The following SLC20A2 variants were observed in gnomAD, a reference collection of about 807,000 sequenced individuals.
SLC20A2 encodes the protein solute carrier family 20 member 2, also known as sodium-dependent phosphate transporter 2.
SLC20A2 carries 30 observed loss-of-function variants against 61.0 expected under a neutral mutation model. The observed-to-expected ratio is 0.49, with a 90% CI of 0.37 to 0.67. The LOEUF is 0.67. Ranked by LOEUF, SLC20A2 falls within the 30% of genes least tolerant of loss-of-function variation. The pLI is 0.00. For synonymous variants in SLC20A2, 351 were observed against 353.3 expected, an observed-to-expected ratio of 0.99 and a Z score of 0.07; for missense variants, 626 against 866.4, an observed-to-expected ratio of 0.72 and a Z score of 3.48.
chr8:42,524,271 T>G (rs1811778876), intron 1 of SLC20A2, among the ~76,000 whole-genome samples: 1 of 152,186 alleles, frequency 6.6e-6, no homozygotes, highest in African/African-American at 2.4e-5. Context: ...TGAAAAAAGT[T>G]TTTTCCTTTT....
intron 3 of SLC20A2, among the ~76,000 whole-genome samples, chr8:42,464,125 A>C (rs1806954375): frequency 2.9e-4 from 1 of 3,454 alleles, no homozygotes; most frequent in Admixed American, 5.2e-3. Context: ...TTTTTTTTTG[A>C]GACAGGGTCT....
At chr8:42,526,439 C>G (rs1364468785) in intron 1 of SLC20A2, among the ~76,000 whole-genome samples, 1 of 151,616 alleles carries the variant, frequency 6.6e-6, no homozygotes, top group Non-Finnish European at 1.5e-5. Flanking sequence ...TTTGGGAGGC[C>G]AAGGTGGGCG....
At chr8:42,420,227 T>A (rs368878320) in intron 10 of SLC20A2, among the ~76,000 whole-genome samples, 1 of 152,182 alleles carries the variant, frequency 6.6e-6, no homozygotes, top group Non-Finnish European at 1.5e-5. Flanking sequence ...TTTGTCCATT[T>A]ACATACTAAA....
chr8:42,440,165 A>G (rs1053044148), intron 6 of SLC20A2, among the ~76,000 whole-genome samples: 2 of 152,146 alleles, frequency 1.3e-5, no homozygotes, highest in Admixed American at 1.3e-4. Context: ...AAAATTCAGC[A>G]ATTGAGGAAA....
intron 1 of SLC20A2, among the ~76,000 whole-genome samples, chr8:42,517,862 A>T (rs924481614): frequency 2.0e-5 from 3 of 152,232 alleles, no homozygotes; most frequent in Non-Finnish European, 2.9e-5. Flanking sequence ...TTATAAGAAT[A>T]CTTTAGGAAA....
rs951946455 is a variant in SLC20A2 at position 42,501,177 on chromosome 8, T to G, written c.-411A>C. The G allele has an allele frequency of 2.6e-5, 4 of 152,170 alleles. No individual in the cohort carries two copies. The highest frequency in any genetic ancestry group is 5.9e-5 in the Non-Finnish European group (4 of 68,040). 9.4% of individuals were successfully genotyped at this position (152,170 alleles called of 1,614,324 possible). The stretch of plus-strand genomic sequence containing the variant: ...TGCTAACTTCTACTTTTACAACTCA[T>G]AGAACTAACCCCGGCTAAAATTAAC... On this transcript the variant is annotated 5_prime_UTR_variant, in exon 1 of 11. An upstream start codon of the reference 5' UTR is lost. Transcript: ENST00000520262.
chr8:42,448,888 G>A (rs1042544136), intron 5 of SLC20A2, among the ~76,000 whole-genome samples: 1 of 152,106 alleles, frequency 6.6e-6, no homozygotes, highest in Non-Finnish European at 1.5e-5. Context: ...TTTAAGGCCT[G>A]CATGTGAAAA....
Position 42,417,369 on chromosome 8 carries a change from A to G in SLC20A2, c.*434T>C, listed in dbSNP as rs185564375. On this transcript the variant is annotated 3_prime_UTR_variant, in exon 11 of 11. Transcript: ENST00000520262. ...AGAAGGCAAAAACATCATTTGGAAA[A>G]AAAATCATTTTCCAATCTACACTTT... 4.8e-3 allele frequency: 751 copies of G among 157,820 alleles called. 5 individuals are homozygous for G. The highest frequency in any genetic ancestry group is 0.017 in the African/African-American group (711 of 41,684). The allele number at this position is 157,820 out of a possible 1,614,324, so 9.8% of individuals were successfully genotyped here.
At chr8:42,539,439 T>G (rs902244806) in intron 1 of SLC20A2, among the ~76,000 whole-genome samples, 1 of 152,224 alleles carries the variant, frequency 6.6e-6, no homozygotes, top group Non-Finnish European at 1.5e-5. Flanking sequence ...AACTTACTAT[T>G]AATGCACAAA....
rs1811637185 is a variant in SLC20A2 at position 42,522,147 on chromosome 8, AGAG to A, written c.-265+19671_-265+19673del. 2.5e-5 allele frequency among the ~76,000 whole-genome samples: 3 copies of A among 121,440 alleles called. 1 individual carries two copies. In the Admixed American group the frequency reaches 2.5e-4, roughly 10 times the overall value. The allele number at this position is 121,440 out of a possible 152,430, so 79.7% of individuals were successfully genotyped here. On this transcript the variant is annotated intron_variant, in intron 1 of 10. Transcript: ENST00000342228. ...GGGAAAGATGCAAATGGATGGCTAG[AGAG>A]GAGAAGACTGCCAGAATAATAGTGA...
At chr8:42,488,957 T>G (rs1361112406) in intron 1 of SLC20A2, among the ~76,000 whole-genome samples, 1 of 123,338 alleles carries the variant, frequency 8.1e-6, no homozygotes, top group Non-Finnish European at 1.7e-5. Context: ...TTTTTTTTTT[T>G]GAAATGGAGT....
intron 1 of SLC20A2, among the ~76,000 whole-genome samples, chr8:42,519,138 C>A (rs1374635995): frequency 6.6e-6 from 1 of 152,092 alleles, no homozygotes; most frequent in Non-Finnish European, 1.5e-5. Flanking sequence ...AGAAGTATCA[C>A]CTTGGCAGCA....
chr8:42,456,417 C>A (rs1806200282), intron 5 of SLC20A2, among the ~76,000 whole-genome samples: 1 of 152,104 alleles, frequency 6.6e-6, no homozygotes, highest in Non-Finnish European at 1.5e-5. Context: ...GTTCAGCTAA[C>A]TTGAACTCTA....
chr8:42,478,771 C>T (rs61651025), intron 1 of SLC20A2, among the ~76,000 whole-genome samples: 4,764 of 151,746 alleles, frequency 0.031, 246 homozygotes, highest in African/African-American at 0.1. Context: ...AAATGCTGGT[C>T]ATAAAAGGTA....
chr8:42,505,586 G>A (rs560452950), upstream of SLC20A2, among the ~76,000 whole-genome samples: 1 of 152,272 alleles, frequency 6.6e-6, no homozygotes, highest in South Asian at 2.1e-4. Flanking sequence ...ATGACATCTG[G>A]AAATAGCAGT....
At chr8:42,502,023 C>T (rs765251349), upstream of SLC20A2, among the ~76,000 whole-genome samples, 11 of 152,316 alleles carry the variant, frequency 7.2e-5, no homozygotes, top group Admixed American at 1.3e-4. Context: ...CTACTCAAGA[C>T]GGTTTGGGAC....
At chr8:42,499,772 T>C (rs539758219) in intron 1 of SLC20A2, among the ~76,000 whole-genome samples, 1 of 152,328 alleles carries the variant, frequency 6.6e-6, no homozygotes, top group South Asian at 2.1e-4. Flanking sequence ...GCAAAACCCC[T>C]TTTACTGCTG....
rs1156359966 is a variant in SLC20A2 at position 42,417,429 on chromosome 8, G to C, written c.*374C>G. 1 of 161,572 alleles carries C rather than the reference G, an allele frequency of 6.2e-6. No homozygotes were observed. 10.0% of individuals were successfully genotyped at this position (161,572 alleles called of 1,614,324 possible). On this transcript the variant is annotated 3_prime_UTR_variant, in exon 11 of 11. Coordinates refer to ENST00000520262, the MANE Select transcript of SLC20A2 (RefSeq NM_001257180.2). Reference sequence around the variant, plus strand: ...AGGCTTAACATTTGCCATCGAAATAGTTATGTACAAGATTTATTGAATATT... The same window carrying C: ...AGGCTTAACATTTGCCATCGAAATACTTATGTACAAGATTTATTGAATATT...
At chr8:42,525,007 G>A (rs1252761026) in intron 1 of SLC20A2, among the ~76,000 whole-genome samples, 1 of 152,100 alleles carries the variant, frequency 6.6e-6, no homozygotes, top group East Asian at 1.9e-4. Context: ...TTTACTCTGA[G>A]AATGCTGTTT....
Sources: gnomAD v4.1 joint callset for allele counts (sites outside exome capture counted in the v4.1 genomes callset) on GRCh38, gnomAD v4.1.1 for gene constraint, MANE v1.5 for transcripts, NCBI Gene and HGNC (gene_info 2026-07-23, HGNC 2026-07-21) for gene names.